The following PTPN21 variants were observed in gnomAD, a reference collection of about 807,000 sequenced individuals.
PTPN21 encodes the protein tyrosine-protein phosphatase non-receptor type 21.
PTPN21 carries 77 observed loss-of-function variants against 131.8 expected under a neutral mutation model. The ratio of observed to expected loss-of-function variants is 0.58; its 90% confidence interval spans 0.49 to 0.71. PTPN21 has a LOEUF of 0.71. PTPN21 is among the 30% of genes least tolerant of loss of function. The pLI is 0.00. For missense variants in PTPN21, 1,552 were observed against 1,527.1 expected, an observed-to-expected ratio of 1.02 and a Z score of -0.27; for synonymous variants, 715 against 621.3, an observed-to-expected ratio of 1.15 and a Z score of -2.24.
At chr14:88,498,571 T>C (rs1210303878) in intron 8 of PTPN21, among the ~76,000 whole-genome samples, 1 of 152,158 alleles carries the variant, frequency 6.6e-6, no homozygotes, top group Non-Finnish European at 1.5e-5. Context: ...CTAAGATTAG[T>C]GAGTTACAGT....
rs564677189 is a variant in PTPN21 at position 88,547,261 on chromosome 14, G to A, written c.180+2977C>T. On this transcript the variant is annotated intron_variant, in intron 2 of 18. Transcript: ENST00000556564. ...GGCGTTATAGACAGACCTGGTGCAC[G>A]AGGAAGAAAATTACAGGAAGAAGAA... 8.0e-5 allele frequency among the ~76,000 whole-genome samples: 12 copies of A among 149,730 alleles called. 1 individual carries two copies. Among genetic ancestry groups the A allele is most frequent in the Admixed American group, 7.3e-4 (11 of 14,978 alleles).
At chr14:88,535,509 G>A (rs1249039812) in intron 2 of PTPN21, among the ~76,000 whole-genome samples, 3 of 152,120 alleles carry the variant, frequency 2.0e-5, no homozygotes, top group Non-Finnish European at 4.4e-5. Flanking sequence ...TTTCTTAATA[G>A]GGAATTTAAC....
rs1222054360 is a variant in PTPN21 at position 88,554,995 on chromosome 14, C to A, written c.-547G>T. On this transcript the variant is annotated 5_prime_UTR_variant, in exon 1 of 19. Transcript: ENST00000556564. ...CGCGCGGCCGGAGCAGCGGGGCGGC[C>A]GGGCCCAGGCGTCCCTCCCCCTGAG... 6.6e-6 allele frequency among the ~76,000 whole-genome samples: 1 copy of A among 151,538 alleles called. No homozygotes were observed. The highest frequency in any genetic ancestry group is 2.4e-5 in the African/African-American group (1 of 41,374).
intron 2 of PTPN21, among the ~76,000 whole-genome samples, chr14:88,545,636 C>G (rs993208193): frequency 2.6e-5 from 4 of 152,182 alleles, no homozygotes; most frequent in African/African-American, 9.7e-5. Flanking sequence ...ACTGCTATAA[C>G]GAACAGCAAT....
At chr14:88,528,439 C>T (rs1185650014) in intron 2 of PTPN21, among the ~76,000 whole-genome samples, 1 of 152,162 alleles carries the variant, frequency 6.6e-6, no homozygotes, top group Non-Finnish European at 1.5e-5. Flanking sequence ...TTCTTGATTT[C>T]ATTCTCAACT....
At chr14:88,520,397 T>C (rs1348300136) in intron 2 of PTPN21, among the ~76,000 whole-genome samples, 1 of 143,016 alleles carries the variant, frequency 7.0e-6, no homozygotes, top group Non-Finnish European at 1.5e-5. Context: ...GGTAACAAAG[T>C]GAGACTCTGC....
intron 14 of PTPN21, among the ~76,000 whole-genome samples, chr14:88,472,900 A>C (rs911415711): frequency 2.0e-5 from 3 of 152,228 alleles, no homozygotes; most frequent in Non-Finnish European, 4.4e-5. Flanking sequence ...AAATTTTAAA[A>C]AGCCACAACA....
chr14:88,543,916 A>C (rs1566853948), intron 2 of PTPN21, among the ~76,000 whole-genome samples: 1 of 151,848 alleles, frequency 6.6e-6, no homozygotes, highest in Non-Finnish European at 1.5e-5. Flanking sequence ...GCATGCACAC[A>C]CCCCCCTCAG....
At chr14:88,511,696 T>G (rs879869084) in intron 3 of PTPN21, among the ~76,000 whole-genome samples, 2 of 152,016 alleles carry the variant, frequency 1.3e-5, no homozygotes, top group Non-Finnish European at 2.9e-5. Flanking sequence ...AAAGCAGTAA[T>G]AAAATGTAAC....
At chr14:88,497,502 G>A (rs917485611) in intron 8 of PTPN21, among the ~76,000 whole-genome samples, 3 of 152,116 alleles carry the variant, frequency 2.0e-5, no homozygotes, top group African/African-American at 7.2e-5. Flanking sequence ...AGGCGCAGTG[G>A]CTCACGCCTG....
intron 2 of PTPN21, among the ~76,000 whole-genome samples, chr14:88,518,363 C>CGT (rs763310026): frequency 0.015 from 695 of 46,702 alleles, 92 homozygotes; most frequent in Admixed American, 0.026. Flanking sequence ...TATACATACA[C>CGT]GTGTGTGTGT....
At position 88,517,092 on chromosome 14, in the gene PTPN21, C is replaced by T; in HGVS notation, c.350G>A (p.Arg117Lys). The change falls in exon 3 of 19, where the codon AGG (arginine) becomes AAG (lysine). Residue 117 changes from arginine to lysine, a missense_variant and splice_region_variant. Arg to Lys is a conservative substitution (Grantham distance 26). Around this residue, in one of 4 missense-constraint regions of PTPN21, gnomAD observed 206 missense variants for 221.6 expected, o/e 0.93. Transcript: ENST00000556564. ...AAACAAACGGCATGTAATTTCTCAC[C>T]TGGTAATCTCCTGCTGCAGCTGAGA... Reference protein sequence around the residue: ...SVSQLQQEITRYQYYLQLKKD... With the variant: ...SVSQLQQEITKYQYYLQLKKD... 1 of 1,612,848 alleles carries T rather than the reference C, an allele frequency of 6.2e-7. No homozygotes were observed. Among genetic ancestry groups the T allele is most frequent in the Middle Eastern group, 1.7e-4 (1 of 6,058 alleles).
chr14:88,479,856 G>C lies in PTPN21; in HGVS notation c.1575C>G (p.Pro525=). ...CCACGGGCCGCCGCTCGGCAGGGTA[G>C]GGGTAGGGAGACGGGCTGTGGAAGC... ...SYSFHSPSPY[P]YPAERRPVVG... is the part of the protein sequence containing the mutation. The change falls in exon 13 of 19, where the codon CCC becomes CCG. Residue 525 remains proline (P), a synonymous_variant. Transcript: ENST00000556564. 3 of 1,567,976 alleles carry C rather than the reference G, an allele frequency of 1.9e-6. No individual in the cohort carries two copies. The highest frequency in any genetic ancestry group is 2.6e-6 in the Non-Finnish European group (3 of 1,161,504).
intron 2 of PTPN21, among the ~76,000 whole-genome samples, chr14:88,536,201 T>C (rs1452367925): frequency 6.6e-6 from 1 of 152,226 alleles, no homozygotes; most frequent in East Asian, 1.9e-4. Context: ...TGTGAAACTT[T>C]CATTGTCAGG....
At chr14:88,486,200 G>C (rs1399480265) in intron 10 of PTPN21, among the ~76,000 whole-genome samples, 1 of 152,168 alleles carries the variant, frequency 6.6e-6, no homozygotes, top group Admixed American at 6.5e-5. Context: ...CTTGTCGCAG[G>C]AGAAGCTGGA....
rs141118399 is a variant in PTPN21, at chr14:88,479,341, T to C, written c.2090A>G (p.His697Arg). Reference protein sequence around the residue: ...PEEAEGLRYGHKKSLSDATML... With the variant: ...PEEAEGLRYGRKKSLSDATML... ...GGTGGCGTCCGACAGGGACTTCTTATGGCCGTACCTCAAGCCCTCCGCCTC... is the reference window on the plus strand; with the variant it reads ...GGTGGCGTCCGACAGGGACTTCTTACGGCCGTACCTCAAGCCCTCCGCCTC... Residue 697 changes from histidine to arginine, a missense_variant, in exon 13 of 19, where the codon CAT (histidine) becomes CGT (arginine). Around this residue, in one of 4 missense-constraint regions of PTPN21, gnomAD observed 1,016 missense variants for 883.5 expected, o/e 1.15. Coordinates refer to ENST00000556564, the MANE Select transcript of PTPN21 (RefSeq NM_007039.4). The C allele has an allele frequency of 1.4e-4, 221 of 1,613,380 alleles. 1 individual carries two copies. The African/African-American group carries it at 1.8e-3, about 13-fold the overall frequency.
At chr14:88,486,551 A>G (rs1005300349) in intron 10 of PTPN21, among the ~76,000 whole-genome samples, 2 of 152,076 alleles carry the variant, frequency 1.3e-5, no homozygotes, top group African/African-American at 4.8e-5. Context: ...AAACCTACGT[A>G]TTTTTTAAAT....
At position 88,500,874 on chromosome 14, in the gene PTPN21, A is replaced by G. The variant is rs778211484; in HGVS notation, c.676-3T>C. Reference sequence around the variant, plus strand: ...GATATGTCACTTCCTTGGCTATCCTACAAGGAGAAAGCAGAAGAAGAAACA... The same window carrying G: ...GATATGTCACTTCCTTGGCTATCCTGCAAGGAGAAAGCAGAAGAAGAAACA... On this transcript the variant is annotated splice_polypyrimidine_tract_variant and splice_region_variant and intron_variant, in intron 7 of 18. Coordinates refer to ENST00000556564, the MANE Select transcript of PTPN21 (RefSeq NM_007039.4). 1 of 1,604,926 alleles carries G rather than the reference A, an allele frequency of 6.2e-7. No homozygotes were observed. Among genetic ancestry groups the G allele is most frequent in the Non-Finnish European group, 8.5e-7 (1 of 1,171,908 alleles).
At chr14:88,481,429 G>A (rs530835472) in intron 12 of PTPN21, among the ~76,000 whole-genome samples, 25 of 152,128 alleles carry the variant, frequency 1.6e-4, no homozygotes, top group East Asian at 1.5e-3. Flanking sequence ...GCCACAGCTC[G>A]GGCCCCTACC....
Sources: gnomAD v4.1 joint callset for allele counts (sites outside exome capture counted in the v4.1 genomes callset) on GRCh38, gnomAD v4.1.1 for gene constraint, gnomAD v4.1.1 regional missense constraint, MANE v1.5 for transcripts, NCBI Gene and HGNC (gene_info 2026-07-23, HGNC 2026-07-21) for gene names.